B3GALNT2: variants seen among roughly 807,000 people sequenced by gnomAD.
B3GALNT2 encodes the protein UDP-GalNAc:beta-1,3-N-acetylgalactosaminyltransferase 2.
A neutral mutation model predicts 61.1 loss-of-function variants in B3GALNT2; 53 were observed. The ratio of observed to expected loss-of-function variants is 0.87; its 90% confidence interval spans 0.70 to 1.09. B3GALNT2 has a LOEUF of 1.09. B3GALNT2 is among the 50% of genes least tolerant of loss of function. The probability of loss-of-function intolerance (pLI) is 0.00; values close to 1 mark genes in which losing one functional copy is unlikely to be tolerated. For missense variants in B3GALNT2, 544 were observed against 623.0 expected (o/e 0.87, Z 1.35); for synonymous variants, 223 against 237.4 (o/e 0.94, Z 0.56).
chr1:235,474,968 TATATATATATATATATATA>T lies in B3GALNT2; in HGVS notation c.652-4027_652-4009del, dbSNP rs1213132166. Reference sequence around the variant, plus strand: ...TTAGAGACATATATATATATATATATATATATATATATATATATATTTTTTTTTTTTTTTTTTTTTTTGA... The same window carrying T: ...TTAGAGACATATATATATATATATATTTTTTTTTTTTTTTTTTTTTTTTGA... On this transcript the variant is annotated intron_variant, in intron 5 of 11. Coordinates refer to ENST00000366600, the MANE Select transcript of B3GALNT2 (RefSeq NM_152490.5). Among the ~76,000 whole-genome samples the T allele has an allele frequency of 1.9e-3, 55 of 28,834 alleles. 1 individual carries two copies. Among genetic ancestry groups the T allele is most frequent in the East Asian group, 4.8e-3 (4 of 836 alleles). The allele number at this position is 28,834 out of a possible 152,430, so 18.9% of individuals were successfully genotyped here.
In B3GALNT2 at chr1:235,454,316, C is replaced by G. The variant is rs1468973392; in HGVS notation, c.1152-1G>C. ...GTCAACTGCCCAATTCAGTCTGAAA[C>G]TGAGATGAAAAATAATGTGGCCTCT... On this transcript the variant is annotated splice_acceptor_variant, in intron 9 of 11. Coordinates refer to ENST00000366600, the MANE Select transcript of B3GALNT2 (RefSeq NM_152490.5). LOFTEE classifies it high-confidence loss of function. 1 of 1,607,250 alleles carries G rather than the reference C, an allele frequency of 6.2e-7. No homozygotes were observed. Among genetic ancestry groups the G allele is most frequent in the African/African-American group, 1.3e-5 (1 of 74,700 alleles).
intron 2 of B3GALNT2, 33 bp from the exon 3 acceptor site, chr1:235,489,301 T>C (rs999100529): frequency 1.2e-6 from 2 of 1,610,328 alleles, no homozygotes; most frequent in Non-Finnish European, 1.7e-6. Context: ...CATCAGTTAC[T>C]GATCTTCACC....
At position 235,474,968 on chromosome 1, in the gene B3GALNT2, TATATATATA is replaced by T. The variant is rs1488001778; in HGVS notation, c.652-4017_652-4009del. 5.8e-3 allele frequency among the ~76,000 whole-genome samples: 167 copies of T among 28,814 alleles called. 4 individuals are homozygous for T. Among genetic ancestry groups the T allele is most frequent in the African/African-American group, 0.029 (160 of 5,548 alleles). 18.9% of individuals were successfully genotyped at this position (28,814 alleles called of 152,430 possible). A position where few individuals can be genotyped will look rare whatever the true frequency, so the allele number is the denominator to read the frequency against. ...TTAGAGACATATATATATATATATATATATATATATATATATATATTTTTTTTTTTTTTT... is the reference window on the plus strand; with the variant it reads ...TTAGAGACATATATATATATATATATTATATATATATTTTTTTTTTTTTTT... On this transcript the variant is annotated intron_variant, in intron 5 of 11. Transcript: ENST00000366600.
At chr1:235,484,658 G>C (rs1558433929) in intron 3 of B3GALNT2, 143 bp from the exon 4 acceptor site, 2 of 1,384,836 alleles carry the variant, frequency 1.4e-6, no homozygotes, top group Non-Finnish European at 1.9e-6. Flanking sequence ...TTTAAAAAAT[G>C]CTTGAGAAAA....
intron 5 of B3GALNT2, among the ~76,000 whole-genome samples, chr1:235,474,701 A>G (rs570040462): frequency 6.6e-6 from 1 of 151,730 alleles, no homozygotes; most frequent in East Asian, 2.0e-4. Context: ...GGCACTCGTA[A>G]TCCCAGCTAT....
At chr1:235,467,731 C>T (rs558827414) in intron 6 of B3GALNT2, among the ~76,000 whole-genome samples, 11 of 150,984 alleles carry the variant, frequency 7.3e-5, no homozygotes, top group Non-Finnish European at 1.0e-4. Context: ...CCGCCTGTCT[C>T]GGCCTCCTAA....
chr1:235,491,085 A>C (rs962168973), intron 2 of B3GALNT2, among the ~76,000 whole-genome samples: 2 of 75,252 alleles, frequency 2.7e-5, no homozygotes, highest in African/African-American at 7.0e-5. Context: ...GTGAATAGTT[A>C]AAAAAAAAAA....
At chr1:235,460,503 A>G (rs1048593913) in intron 7 of B3GALNT2, among the ~76,000 whole-genome samples, 1 of 151,644 alleles carries the variant, frequency 6.6e-6, no homozygotes, top group African/African-American at 2.4e-5. Context: ...ATGTAAATAA[A>G]AAATTGTTAA....
chr1:235,453,703 T>TC (rs1683036483), intron 10 of B3GALNT2, among the ~76,000 whole-genome samples: 1 of 152,106 alleles, frequency 6.6e-6, no homozygotes, highest in African/African-American at 2.4e-5. Flanking sequence ...TGCCTTGGCG[T>TC]CCGAAAGTGC....
intron 7 of B3GALNT2, among the ~76,000 whole-genome samples, chr1:235,459,169 G>A (rs1683302494): frequency 6.6e-6 from 1 of 151,380 alleles, no homozygotes; most frequent in African/African-American, 2.4e-5. Flanking sequence ...CAGCCAAGTT[G>A]TGGTATATTC....
intron 6 of B3GALNT2, among the ~76,000 whole-genome samples, chr1:235,470,023 G>A (rs1683912031): frequency 6.6e-6 from 1 of 151,844 alleles, no homozygotes; most frequent in Admixed American, 6.6e-5. Context: ...TCAGCCACCT[G>A]AGTAGCTGGG....
intron 1 of B3GALNT2, among the ~76,000 whole-genome samples, chr1:235,499,756 A>G (rs183249639): frequency 6.6e-6 from 1 of 152,354 alleles, no homozygotes; most frequent in African/African-American, 2.4e-5. Flanking sequence ...TAATGTTAAC[A>G]GATGGAGTTG....
intron 5 of B3GALNT2, among the ~76,000 whole-genome samples, chr1:235,477,744 G>A (rs1684356050): frequency 6.6e-6 from 1 of 152,164 alleles, no homozygotes; most frequent in African/African-American, 2.4e-5. Flanking sequence ...ACACTGCTCT[G>A]TGCGCGGAGG....
chr1:235,483,591 G>A (rs1684656626), intron 4 of B3GALNT2, among the ~76,000 whole-genome samples: 1 of 152,078 alleles, frequency 6.6e-6, no homozygotes, highest in African/African-American at 2.4e-5. Context: ...AGCCCACATG[G>A]CAAAATCCCA....
At chr1:235,470,511 G>A (rs1261125954) in intron 6 of B3GALNT2, among the ~76,000 whole-genome samples, 2 of 148,948 alleles carry the variant, frequency 1.3e-5, no homozygotes, top group Non-Finnish European at 3.0e-5. Context: ...CCAGGAGGTG[G>A]AGGCTGCAGT....
downstream of B3GALNT2, among the ~76,000 whole-genome samples, chr1:235,447,098 T>G (rs1682391919): frequency 6.6e-6 from 1 of 152,180 alleles, no homozygotes; most frequent in Non-Finnish European, 1.5e-5. Context: ...TGAAAGCCAG[T>G]CCGTCTCAAT....
the B3GALNT2 span, among the ~76,000 whole-genome samples, chr1:235,440,040 C>T: frequency 1.3e-5 from 2 of 151,652 alleles, no homozygotes; most frequent in Non-Finnish European, 2.9e-5. Flanking sequence ...CCGCGATCTC[C>T]GCTCACTGCA....
At position 235,448,073 on chromosome 1, in the gene B3GALNT2, G is replaced by C. The variant is rs975348783; in HGVS notation, c.*2133C>G. 1.3e-5 allele frequency among the ~76,000 whole-genome samples: 2 copies of C among 152,078 alleles called. No homozygotes were observed. Among genetic ancestry groups the C allele is most frequent in the Non-Finnish European group, 2.9e-5 (2 of 68,010 alleles). ...AAAATACAAAAGTTAGCTGGGTGTG[G>C]TGATGGGCACCAGCTACTCAGGAGG... On this transcript the variant is annotated 3_prime_UTR_variant, in exon 12 of 12. Transcript: ENST00000366600.
rs1192711186 is a variant in B3GALNT2, at chr1:235,478,141, CCCCCGGGTTCAAGCGATA to C, written c.651+1895_651+1912del. On this transcript the variant is annotated intron_variant, in intron 5 of 11. Transcript: ENST00000366600. ...GCAATCTTGGCTCACTGCAACCTGT[CCCCCGGGTTCAAGCGATA>C]CTCCTGCCTCAGCCTCCCGAGTAAC... Among the ~76,000 whole-genome samples the C allele has an allele frequency of 1.1e-4, 17 of 152,210 alleles. No homozygotes were observed. In the East Asian group the frequency reaches 3.1e-3, roughly 28 times the overall value.
Sources: gnomAD v4.1 joint callset for allele counts (sites outside exome capture counted in the v4.1 genomes callset) on GRCh38, gnomAD v4.1.1 for gene constraint, MANE v1.5 for transcripts, NCBI Gene and HGNC (gene_info 2026-07-23, HGNC 2026-07-21) for gene names.